PTH2R: variants seen among roughly 807,000 people sequenced by gnomAD.
PTH2R encodes PTH2 receptor.
A neutral mutation model predicts 60.3 loss-of-function variants in PTH2R; 59 were observed. The observed-to-expected ratio is 0.98, with a 90% confidence interval of 0.79 to 1.22. The LOEUF (loss-of-function observed/expected upper bound fraction) is 1.22, where lower values mean the gene tolerates loss of function less well. Among genes scored for constraint, PTH2R ranks in the 50% most tolerant of loss-of-function variants. The pLI, the probability that PTH2R is intolerant of heterozygous loss-of-function variation, is 0.00. For synonymous variants in PTH2R, 256 were observed against 243.8 expected, an observed-to-expected ratio of 1.05 and a Z score of -0.47; for missense variants, 749 against 682.6, an observed-to-expected ratio of 1.10 and a Z score of -1.08.
intron 1 of PTH2R, among the ~76,000 whole-genome samples, chr2:208,417,460 C>T (rs567461097): frequency 6.6e-6 from 1 of 150,440 alleles, no homozygotes; most frequent in East Asian, 2.0e-4. Context: ...TTGAAAAATT[C>T]CAGGTCTGTT....
rs1241125526 is a variant in PTH2R at position 208,428,272 on chromosome 2, A to G, written c.147A>G (p.Glu49=). 6.2e-7 allele frequency: 1 copy of G among 1,613,236 alleles called. No homozygotes were observed. Among genetic ancestry groups the G allele is most frequent in the East Asian group, 2.2e-5 (1 of 44,872 alleles). Residue 49 remains glutamate (E), a synonymous_variant, in exon 2 of 13, where the codon GAA becomes GAG. Coordinates refer to ENST00000272847, the MANE Select transcript of PTH2R (RefSeq NM_005048.4). ...VLVLKAKVQC[E]LNITAQLQEG... ...TGCTGAAAGCGAAAGTACAATGTGAACTCAACATCACAGCTCAACTCCAGG... is the reference window on the plus strand; with the variant it reads ...TGCTGAAAGCGAAAGTACAATGTGAGCTCAACATCACAGCTCAACTCCAGG...
At position 208,459,943 on chromosome 2, in the gene PTH2R, G is replaced by C. The variant is rs61741765; in HGVS notation, c.963G>C (p.Pro321=). The change falls in exon 9 of 13, where the codon CCG becomes CCC. Residue 321 remains proline (P), a synonymous_variant. Transcript: ENST00000272847. Reference sequence around the variant, plus strand: ...ACATCAAGTGGATTTATCAAGCACCGATCTTAGCAGCTATTGGGGTAAGTT... The same window carrying C: ...ACATCAAGTGGATTTATCAAGCACCCATCTTAGCAGCTATTGGGGTAAGTT... ...AGDIKWIYQA[P]ILAAIGLNFI... The C allele has an allele frequency of 8.7e-6, 14 of 1,612,854 alleles. No individual in the cohort carries two copies. Among genetic ancestry groups the C allele is most frequent in the Non-Finnish European group, 1.1e-5 (13 of 1,179,276 alleles).
intron 1 of PTH2R, among the ~76,000 whole-genome samples, chr2:208,421,897 G>A (rs1701764725): frequency 6.6e-6 from 1 of 152,136 alleles, no homozygotes; most frequent in Non-Finnish European, 1.5e-5. Flanking sequence ...TCAGACTACG[G>A]AAAATAGAAT....
In PTH2R at chr2:208,493,490, A is replaced by G. The variant is rs547378295; in HGVS notation, c.1484A>G (p.Tyr495Cys). Residue 495 changes from tyrosine (Y) to cysteine (C), a missense_variant, in exon 13 of 13, where the codon TAT (tyrosine) becomes TGT (cysteine). Tyr to Cys is a radical substitution (Grantham distance 194). Coordinates refer to ENST00000272847, the MANE Select transcript of PTH2R (RefSeq NM_005048.4). ...GACAGCCACATCACTTTACCTGGCT[A>G]TGTCTGGAGTAACTCAGAGCAGGAC... ...QPDSHITLPG[Y>C]VWSNSEQDCL... The G allele has an allele frequency of 2.5e-6, 4 of 1,613,176 alleles. No homozygotes were observed. The South Asian group carries it at 3.3e-5, about 13-fold the overall frequency.
intron 4 of PTH2R, among the ~76,000 whole-genome samples, chr2:208,441,258 A>G (rs1702177594): frequency 6.6e-6 from 1 of 152,216 alleles, no homozygotes; most frequent in Admixed American, 6.5e-5. Flanking sequence ...ATAAACAGCC[A>G]GGTGAAGAGA....
intron 8 of PTH2R, among the ~76,000 whole-genome samples, chr2:208,457,000 C>G (rs1036802673): frequency 2.0e-5 from 3 of 152,072 alleles, no homozygotes; most frequent in Admixed American, 2.0e-4. Context: ...TTTTATAGAG[C>G]CTGAATTGTA....
chr2:208,455,149 A>G (rs953516976), intron 8 of PTH2R, among the ~76,000 whole-genome samples: 2 of 152,212 alleles, frequency 1.3e-5, no homozygotes, highest in Admixed American at 1.3e-4. Context: ...TTATTGCTAT[A>G]TACACACAGT....
At chr2:208,366,801 A>G (rs1319039234) in intron 1 of PTH2R, among the ~76,000 whole-genome samples, 1 of 152,224 alleles carries the variant, frequency 6.6e-6, no homozygotes, top group Non-Finnish European at 1.5e-5. Context: ...TTTTCTGTAC[A>G]TCGTGAACTG....
intron 7 of PTH2R, among the ~76,000 whole-genome samples, chr2:208,448,091 A>G (rs1360816528): frequency 6.6e-6 from 1 of 152,142 alleles, no homozygotes; most frequent in African/African-American, 2.4e-5. Context: ...TTTTCACATA[A>G]TATGTTCCCT....
intron 1 of PTH2R, among the ~76,000 whole-genome samples, chr2:208,412,289 G>A (rs1390286770): frequency 2.0e-5 from 3 of 152,172 alleles, no homozygotes; most frequent in Admixed American, 1.3e-4. Context: ...TCCCAGGATC[G>A]CACAGCTGTG....
At position 208,444,988 on chromosome 2, in the gene PTH2R, A is replaced by T. The variant is rs573328257; in HGVS notation, c.853+101A>T. The T allele has an allele frequency of 7.5e-6, 9 of 1,207,798 alleles. 1 individual carries two copies. In the South Asian group the frequency reaches 1.5e-4, roughly 20 times the overall value. The allele number at this position is 1,207,798 out of a possible 1,614,324, so 74.8% of individuals were successfully genotyped here. Reference sequence around the variant, plus strand: ...ATCCCTACAGCCATTTTCCTGAAACAATCCCTCCCATTCTTATTTTTTATC... The same window carrying T: ...ATCCCTACAGCCATTTTCCTGAAACTATCCCTCCCATTCTTATTTTTTATC... On this transcript the variant is annotated intron_variant, in intron 7 of 12. Coordinates refer to ENST00000272847, the MANE Select transcript of PTH2R (RefSeq NM_005048.4).
intron 1 of PTH2R, among the ~76,000 whole-genome samples, chr2:208,410,478 C>A (rs1032349661): frequency 6.6e-6 from 1 of 152,096 alleles, no homozygotes; most frequent in Non-Finnish European, 1.5e-5. Flanking sequence ...ATCTCCGCCC[C>A]GAGTCTCTAT....
chr2:208,404,167 G>T (rs1411830705), upstream of PTH2R, among the ~76,000 whole-genome samples: 1 of 152,152 alleles, frequency 6.6e-6, no homozygotes, highest in Non-Finnish European at 1.5e-5. Flanking sequence ...AGCTTGAGTT[G>T]GGGCTGTTAG....
chr2:208,467,776 A>G (rs936345572), intron 9 of PTH2R, among the ~76,000 whole-genome samples: 1 of 152,190 alleles, frequency 6.6e-6, no homozygotes. Context: ...TTTCAAAAAG[A>G]TGGTTCCTAG....
chr2:208,384,880 G>A (rs970945201), intron 1 of PTH2R, among the ~76,000 whole-genome samples: 5 of 151,934 alleles, frequency 3.3e-5, no homozygotes, highest in African/African-American at 1.2e-4. Flanking sequence ...TTTTTGCAGC[G>A]GTCCATTCTC....
intron 1 of PTH2R, among the ~76,000 whole-genome samples, chr2:208,422,669 A>C (rs1701779716): frequency 6.6e-6 from 1 of 152,254 alleles, no homozygotes; most frequent in African/African-American, 2.4e-5. Context: ...CTTTTTTTAA[A>C]AAATGATTTT....
chr2:208,437,178 T>TA (rs1702091449), intron 2 of PTH2R, among the ~76,000 whole-genome samples: 1 of 152,222 alleles, frequency 6.6e-6, no homozygotes. Flanking sequence ...GAATCTAGTG[T>TA]AAAAATGTAG....
At chr2:208,378,240 G>GCA (rs1700845850) in intron 1 of PTH2R, among the ~76,000 whole-genome samples, 6 of 150,340 alleles carry the variant, frequency 4.0e-5, no homozygotes, top group Middle Eastern at 6.9e-3. Flanking sequence ...AGGCGTGGCG[G>GCA]CGCGCACCTG....
chr2:208,474,536 G>A (rs1416224934), intron 9 of PTH2R, among the ~76,000 whole-genome samples: 1 of 152,178 alleles, frequency 6.6e-6, no homozygotes, highest in East Asian at 1.9e-4. Flanking sequence ...GCAGAGAAGG[G>A]TTTTCCCGGC....
Sources: allele counts gnomAD v4.1 joint callset (sites outside exome capture counted in the v4.1 genomes callset), GRCh38; gene constraint gnomAD v4.1.1; transcripts MANE v1.5; gene names NCBI Gene and HGNC (gene_info 2026-07-23, HGNC 2026-07-21).